The following ALDH1A2 variants were observed in gnomAD, a reference collection of about 807,000 sequenced individuals.
ALDH1A2 encodes the protein retinal dehydrogenase 2.
In ALDH1A2, 27 loss-of-function variants were observed where a neutral mutation model predicts 60.3. The observed-to-expected ratio is 0.45, with a 90% CI of 0.33 to 0.62. The LOEUF is 0.62. ALDH1A2 is among the 20% of genes least tolerant of loss of function. The pLI, the probability that ALDH1A2 is intolerant of heterozygous loss-of-function variation, is 0.02. For missense variants in ALDH1A2, 581 were observed against 643.8 expected, an observed-to-expected ratio of 0.90 and a Z score of 1.06; for synonymous variants, 289 against 232.4, an observed-to-expected ratio of 1.24 and a Z score of -2.21.
chr15:58,004,162 G>A (rs780826612), intron 4 of ALDH1A2, among the ~76,000 whole-genome samples: 9 of 151,812 alleles, frequency 5.9e-5, no homozygotes, highest in Non-Finnish European at 8.8e-5. Flanking sequence ...TATTCTAGTT[G>A]AAGGCTACCC....
chr15:58,010,868 G>C, intron 3 of ALDH1A2, 90 bp from the exon 4 acceptor site: 1 of 1,501,860 alleles, frequency 6.7e-7, no homozygotes, highest in Non-Finnish European at 9.2e-7. Flanking sequence ...GGAAGAGAGA[G>C]AATACAAATG....
At chr15:58,025,665 A>C (rs2140532588) in intron 1 of ALDH1A2, among the ~76,000 whole-genome samples, 1 of 152,348 alleles carries the variant, frequency 6.6e-6, no homozygotes, top group African/African-American at 2.4e-5. Flanking sequence ...ATTGCCGTAA[A>C]GGAATACCTG....
intron 7 of ALDH1A2, among the ~76,000 whole-genome samples, chr15:57,973,420 T>C (rs1240457385): frequency 6.6e-6 from 1 of 152,202 alleles, no homozygotes; most frequent in Non-Finnish European, 1.5e-5. Context: ...AGACACTTTG[T>C]AATGTACCAA....
chr15:58,065,504 G>A (rs1566966100), intron 1 of ALDH1A2, 30 bp downstream of exon 1: 2 of 1,562,070 alleles, frequency 1.3e-6, no homozygotes, highest in Admixed American at 1.7e-5. Flanking sequence ...GAAAGTCTCC[G>A]TGGACGACGG....
intron 7 of ALDH1A2, among the ~76,000 whole-genome samples, chr15:57,972,094 C>A (rs1323193816): frequency 9.9e-5 from 15 of 152,136 alleles, no homozygotes; most frequent in Non-Finnish European, 1.8e-4. Flanking sequence ...TTTATTTAAT[C>A]TTCATGACAA....
At chr15:58,024,287 G>A (rs1347576828) in intron 1 of ALDH1A2, among the ~76,000 whole-genome samples, 2 of 151,902 alleles carry the variant, frequency 1.3e-5, no homozygotes, top group Non-Finnish European at 2.9e-5. Flanking sequence ...ATGGCTGAAT[G>A]GATTTTTAAA....
intron 1 of ALDH1A2, among the ~76,000 whole-genome samples, chr15:58,041,807 G>A (rs1056260930): frequency 4.0e-5 from 6 of 151,790 alleles, no homozygotes; most frequent in Non-Finnish European, 1.5e-5. Context: ...ACAAACTACT[G>A]GTATAGTAAT....
chr15:58,031,588 T>C (rs1259085227), intron 1 of ALDH1A2, among the ~76,000 whole-genome samples: 1 of 152,038 alleles, frequency 6.6e-6, no homozygotes, highest in African/African-American at 2.4e-5. Flanking sequence ...ACCTACAGAA[T>C]GGGAGAAAAT....
chr15:58,002,737 C>T (rs1363212814), intron 4 of ALDH1A2, among the ~76,000 whole-genome samples: 2 of 151,868 alleles, frequency 1.3e-5, no homozygotes, highest in Admixed American at 1.3e-4. Context: ...ATCTGTAACA[C>T]AATTCAGTGA....
intron 12 of ALDH1A2, among the ~76,000 whole-genome samples, chr15:57,956,259 C>G (rs1368138566): frequency 2.0e-5 from 3 of 152,160 alleles, no homozygotes; most frequent in Non-Finnish European, 4.4e-5. Context: ...ATTCCCTCTT[C>G]CCAAGTTCTA....
intron 4 of ALDH1A2, among the ~76,000 whole-genome samples, chr15:58,007,379 A>C (rs1895494391): frequency 6.6e-6 from 1 of 151,986 alleles, no homozygotes; most frequent in Admixed American, 6.6e-5. Context: ...AAAAATCTGC[A>C]CTGGGGTAAA....
intron 7 of ALDH1A2, among the ~76,000 whole-genome samples, chr15:57,973,473 C>T (rs1366996233): frequency 6.6e-6 from 1 of 152,184 alleles, no homozygotes; most frequent in Non-Finnish European, 1.5e-5. Context: ...AAGCCATGTT[C>T]TAATCCATAT....
At chr15:57,991,982 G>A (rs1220800307) in intron 7 of ALDH1A2, among the ~76,000 whole-genome samples, 1 of 152,038 alleles carries the variant, frequency 6.6e-6, no homozygotes, top group Non-Finnish European at 1.5e-5. Flanking sequence ...ATGGCCCATG[G>A]GTCAAATATA....
chr15:57,965,249 C>G (rs1893856325), intron 8 of ALDH1A2, among the ~76,000 whole-genome samples: 1 of 152,172 alleles, frequency 6.6e-6, no homozygotes, highest in South Asian at 2.1e-4. Flanking sequence ...AACTGAAAGT[C>G]ATGCGAGCAA....
chr15:58,032,263 C>A (rs1163090031), intron 1 of ALDH1A2, among the ~76,000 whole-genome samples: 31 of 152,074 alleles, frequency 2.0e-4, no homozygotes, highest in African/African-American at 7.2e-4. Context: ...GGACGAAAAA[C>A]CAAACACCAC....
intron 1 of ALDH1A2, among the ~76,000 whole-genome samples, chr15:58,025,677 G>A (rs2140532613): frequency 6.6e-6 from 1 of 152,280 alleles, no homozygotes; most frequent in South Asian, 2.1e-4. Flanking sequence ...GAATACCTGA[G>A]GATAGATAAT....
At chr15:57,966,099 TTTCTC>T (rs1396323104) in intron 7 of ALDH1A2, among the ~76,000 whole-genome samples, 2 of 152,214 alleles carry the variant, frequency 1.3e-5, no homozygotes, top group African/African-American at 4.8e-5. Context: ...CACTGAAAGA[TTTCTC>T]TAAAGACAAC....
At chr15:58,026,123 C>G (rs888857027) in intron 1 of ALDH1A2, among the ~76,000 whole-genome samples, 9 of 152,244 alleles carry the variant, frequency 5.9e-5, no homozygotes, top group African/African-American at 2.2e-4. Flanking sequence ...GATACAACAA[C>G]AAAATAAGAA....
At position 58,065,591 on chromosome 15, in the gene ALDH1A2, C is replaced by T. The variant is rs1203328488; in HGVS notation, c.60G>A (p.Met20Ile). The T allele has an allele frequency of 1.9e-6, 3 of 1,612,714 alleles. No individual in the cohort carries two copies. The highest frequency in any genetic ancestry group is 1.7e-6 in the Non-Finnish European group (2 of 1,179,336). ...GEVKADPAALMASLHLLPSPT... is the reference protein window; with the variant it reads ...GEVKADPAALIASLHLLPSPT... ...GCGACGGCAGGAGGTGCAGCGACGC[C>T]ATGAGGGCGGCGGGGTCGGCCTTCA... The change falls in exon 1 of 13, where the codon ATG becomes ATA. Residue 20 changes from methionine (M) to isoleucine (I), a missense_variant. Coordinates refer to ENST00000249750, the MANE Select transcript of ALDH1A2 (RefSeq NM_003888.4).
Sources: gnomAD v4.1 joint callset for allele counts (sites outside exome capture counted in the v4.1 genomes callset) on GRCh38, gnomAD v4.1.1 for gene constraint, MANE v1.5 for transcripts, NCBI Gene and HGNC (gene_info 2026-07-23, HGNC 2026-07-21) for gene names.